The following SLC24A2 variants were observed in gnomAD, a reference collection of about 807,000 sequenced individuals.
The protein encoded by SLC24A2 is sodium/potassium/calcium exchanger 2.
Under a neutral mutation model 62.0 loss-of-function variants are expected in SLC24A2, and 36 were observed. The ratio of observed to expected loss-of-function variants is 0.58; its 90% confidence interval spans 0.44 to 0.77. The LOEUF (loss-of-function observed/expected upper bound fraction) is 0.77, where lower values mean the gene tolerates loss of function less well. SLC24A2 is among the 30% of genes least tolerant of loss of function. SLC24A2 has a pLI of 0.00. For synonymous variants in SLC24A2, 358 were observed against 294.0 expected (o/e 1.22, Z -2.23); for missense variants, 846 against 817.9 (o/e 1.03, Z -0.42).
the SLC24A2 span, among the ~76,000 whole-genome samples, chr9:19,830,313 CT>C: frequency 2.0e-5 from 3 of 152,238 alleles, no homozygotes; most frequent in South Asian, 2.1e-4. Context: ...AATCTGGGGC[CT>C]TTTTAATCAA....
intron 4 of SLC24A2, among the ~76,000 whole-genome samples, chr9:19,598,242 A>C (rs1340443051): frequency 6.6e-6 from 1 of 152,216 alleles, no homozygotes; most frequent in Non-Finnish European, 1.5e-5. Context: ...AATAAACTTC[A>C]AGACATTAAT....
chr9:19,978,358 A>C, the SLC24A2 span, among the ~76,000 whole-genome samples: 1 of 152,118 alleles, frequency 6.6e-6, no homozygotes, highest in African/African-American at 2.4e-5. Context: ...ACTATTGTTC[A>C]AAAATAACCC....
chr9:20,198,506 T>C, the SLC24A2 span, among the ~76,000 whole-genome samples: 1 of 152,206 alleles, frequency 6.6e-6, no homozygotes, highest in Non-Finnish European at 1.5e-5. Context: ...CCGTGCAGTT[T>C]AACAAGCTTC....
chr9:20,228,828 A>T, the SLC24A2 span, among the ~76,000 whole-genome samples: 2 of 152,204 alleles, frequency 1.3e-5, no homozygotes, highest in East Asian at 3.9e-4. Context: ...CCAGCTGAGG[A>T]AGGAGAGCTA....
At chr9:19,796,700 T>C in the SLC24A2 span, among the ~76,000 whole-genome samples, 1 of 152,260 alleles carries the variant, frequency 6.6e-6, no homozygotes, top group South Asian at 2.1e-4. Context: ...CTTCACTGTA[T>C]TTGACATTTC....
the SLC24A2 span, among the ~76,000 whole-genome samples, chr9:19,857,151 C>G: frequency 6.6e-6 from 1 of 152,182 alleles, no homozygotes; most frequent in Non-Finnish European, 1.5e-5. Context: ...GAATCTATTT[C>G]TCCGCCTAGA....
At chr9:20,229,228 T>A in the SLC24A2 span, among the ~76,000 whole-genome samples, 1 of 152,036 alleles carries the variant, frequency 6.6e-6, no homozygotes, top group Non-Finnish European at 1.5e-5. Flanking sequence ...GGTTATGGAG[T>A]CTGATGCCCA....
chr9:19,734,189 T>A lies in SLC24A2; in HGVS notation c.930+51748A>T, dbSNP rs1450888283. On this transcript the variant is annotated intron_variant, in intron 2 of 10. Transcript: ENST00000341998. ...TTTGTCAGGTTTGTCAAAGATCAGA[T>A]AGTTGTAGATATGTGGCATTATTTC... Among the ~76,000 whole-genome samples the A allele has an allele frequency of 4.1e-3, 631 of 152,264 alleles. 5 individuals are homozygous for A. The highest frequency in any genetic ancestry group is 0.015 in the African/African-American group (605 of 41,556).
At chr9:20,186,300 C>A in the SLC24A2 span, among the ~76,000 whole-genome samples, 1 of 152,126 alleles carries the variant, frequency 6.6e-6, no homozygotes, top group Non-Finnish European at 1.5e-5. Context: ...TGCCTCTATC[C>A]TGTTTAACCT....
At chr9:20,151,303 T>C in the SLC24A2 span, among the ~76,000 whole-genome samples, 542 of 152,084 alleles carry the variant, frequency 3.6e-3, 5 homozygotes, top group African/African-American at 0.012. Flanking sequence ...TAGGATTTTA[T>C]AGATCTTTTA....
chr9:20,037,096 C>T, the SLC24A2 span, among the ~76,000 whole-genome samples: 1 of 152,040 alleles, frequency 6.6e-6, no homozygotes, highest in Non-Finnish European at 1.5e-5. Flanking sequence ...TGGAGTTTCC[C>T]CATGTTGGCC....
intron 8 of SLC24A2, among the ~76,000 whole-genome samples, chr9:19,529,229 T>TGTATGAAAG (rs953465038): frequency 7.9e-5 from 12 of 152,268 alleles, no homozygotes; most frequent in African/African-American, 2.6e-4. Flanking sequence ...AGAGTTGACT[T>TGTATGAAAG]GTATGAAAGT....
chr9:20,026,663 T>TA, the SLC24A2 span, among the ~76,000 whole-genome samples: 4 of 152,058 alleles, frequency 2.6e-5, no homozygotes, highest in South Asian at 2.1e-4. Context: ...CTTAACATAT[T>TA]AAAAAAAATC....
intron 7 of SLC24A2, among the ~76,000 whole-genome samples, chr9:19,569,506 T>C (rs1835778785): frequency 1.3e-5 from 2 of 151,708 alleles, no homozygotes; most frequent in Admixed American, 6.6e-5. Context: ...ATGTCCTTCA[T>C]GATCCACATA....
the SLC24A2 span, among the ~76,000 whole-genome samples, chr9:20,141,773 A>G: frequency 1.3e-5 from 2 of 151,998 alleles, no homozygotes; most frequent in South Asian, 4.1e-4. Flanking sequence ...CTAATACGCT[A>G]TAAAGATAAG....
chr9:19,947,414 G>C, the SLC24A2 span, among the ~76,000 whole-genome samples: 1 of 147,466 alleles, frequency 6.8e-6, no homozygotes, highest in Non-Finnish European at 1.5e-5. Context: ...GAAGGAAGGA[G>C]GAAGGAAGGA....
In SLC24A2 at chr9:19,520,965, C is replaced by A. The variant is rs1353696526; in HGVS notation, c.1665G>T (p.Val555=). The A allele has an allele frequency of 6.2e-7, 1 of 1,613,958 alleles. No homozygotes were observed. Among genetic ancestry groups the A allele is most frequent in the African/African-American group, 1.3e-5 (1 of 74,908 alleles). ...SIPDLITSVI[V]ARKGLGDMAV... is the part of the protein sequence containing the mutation. The stretch of plus-strand genomic sequence containing the variant: ...CCATGTCCCCTAACCCCTTCCGGGC[C>A]ACTATGACACTGGTGATAAGATCAG... Residue 555 remains valine, a synonymous_variant, in exon 10 of 11, where the codon GTG becomes GTT. Transcript: ENST00000341998.
chr9:19,671,695 C>T (rs189367106), intron 2 of SLC24A2, among the ~76,000 whole-genome samples: 14 of 152,286 alleles, frequency 9.2e-5, no homozygotes, highest in African/African-American at 3.1e-4. Flanking sequence ...GTGGGTTTGT[C>T]ATAGATGGCT....
At chr9:19,525,391 C>CTTTTTTTTTTTTTTTTTTTTTTT (rs572919824) in intron 9 of SLC24A2, among the ~76,000 whole-genome samples, 3 of 76,374 alleles carry the variant, frequency 3.9e-5, no homozygotes, top group Non-Finnish European at 4.7e-5. Flanking sequence ...TATTTCTTTA[C>CTTTTTTTTTTTTTTTTTTTTTTT]TTTTTTTTTT....
Sources: gnomAD v4.1 joint callset for allele counts (sites outside exome capture counted in the v4.1 genomes callset) on GRCh38, gnomAD v4.1.1 for gene constraint, MANE v1.5 for transcripts, NCBI Gene and HGNC (gene_info 2026-07-23, HGNC 2026-07-21) for gene names.